Variants in ADGRB3 observed in about 807,000 individuals in gnomAD.
The protein encoded by ADGRB3 is brain-specific angiogenesis inhibitor 3.
ADGRB3 carries 37 observed loss-of-function variants against 193.4 expected under a neutral mutation model. The observed-to-expected ratio is 0.19, with a 90% confidence interval of 0.15 to 0.25. ADGRB3 has a LOEUF of 0.25. Ranked by LOEUF, ADGRB3 falls within the 10% of genes least tolerant of loss-of-function variation. The pLI is 1.00. For missense variants in ADGRB3, 1,637 were observed against 1,852.9 expected, an observed-to-expected ratio of 0.88 and a Z score of 2.14; for synonymous variants, 690 against 644.2, an observed-to-expected ratio of 1.07 and a Z score of -1.08.
At chr6:69,085,082 A>G (rs745930763) in intron 17 of ADGRB3, among the ~76,000 whole-genome samples, 7 of 152,214 alleles carry the variant, frequency 4.6e-5, no homozygotes, top group Non-Finnish European at 8.8e-5. Context: ...GAAAAAAAAT[A>G]CCCTCGGTGA....
chr6:68,942,711 A>G (rs1209855738), intron 5 of ADGRB3, among the ~76,000 whole-genome samples: 1 of 152,074 alleles, frequency 6.6e-6, no homozygotes, highest in Non-Finnish European at 1.5e-5. Flanking sequence ...TCCAGATTCA[A>G]GGGATTCTCC....
At chr6:69,060,516 T>A (rs541359858) in intron 15 of ADGRB3, among the ~76,000 whole-genome samples, 1 of 152,174 alleles carries the variant, frequency 6.6e-6, no homozygotes, top group South Asian at 2.1e-4. Context: ...CTGTGTTTGT[T>A]TTCCAGTAAT....
At chr6:68,766,122 G>T (rs1766504378) in intron 3 of ADGRB3, among the ~76,000 whole-genome samples, 1 of 151,748 alleles carries the variant, frequency 6.6e-6, no homozygotes, top group Admixed American at 6.6e-5. Flanking sequence ...AATTATTTTG[G>T]TTGGCCACCT....
chr6:69,382,939 A>C lies in ADGRB3; in HGVS notation c.4380+4A>C. The C allele has an allele frequency of 3.2e-6, 5 of 1,584,148 alleles. No individual in the cohort carries two copies. The highest frequency in any genetic ancestry group is 4.3e-6 in the Non-Finnish European group (5 of 1,156,922). ...TATACCAAATACAAGCAGTATGGTA[A>C]GTATGCTTTGCTTCAATGCCTGAGT... On this transcript the variant is annotated splice_donor_region_variant and intron_variant, in intron 31 of 31. Transcript: ENST00000370598.
At chr6:69,261,571 T>C (rs1270051512) in intron 20 of ADGRB3, among the ~76,000 whole-genome samples, 1 of 152,066 alleles carries the variant, frequency 6.6e-6, no homozygotes, top group Non-Finnish European at 1.5e-5. Context: ...ATACTTTTTT[T>C]CAAAAACATT....
intron 3 of ADGRB3, among the ~76,000 whole-genome samples, chr6:68,710,402 A>G (rs920668992): frequency 6.6e-6 from 1 of 151,774 alleles, no homozygotes; most frequent in African/African-American, 2.4e-5. Context: ...TCCTGCCTTT[A>G]TTACTAATTT....
chr6:68,977,806 C>G (rs1959407), intron 10 of ADGRB3, among the ~76,000 whole-genome samples: 1 of 145,382 alleles, frequency 6.9e-6, no homozygotes. Context: ...GTGTCCATGC[C>G]GCAGTTTACA....
intron 3 of ADGRB3, among the ~76,000 whole-genome samples, chr6:68,788,226 A>T (rs1767018727): frequency 6.6e-6 from 1 of 151,912 alleles, no homozygotes; most frequent in African/African-American, 2.4e-5. Flanking sequence ...TTGCTTTTCT[A>T]GTTCTTTTAA....
chr6:69,327,048 AAGAC>A (rs745952084), intron 21 of ADGRB3, among the ~76,000 whole-genome samples: 3 of 152,142 alleles, frequency 2.0e-5, no homozygotes, highest in Admixed American at 6.6e-5. Context: ...AGTAAGAAAG[AAGAC>A]AGACAGAGGA....
chr6:68,976,749 G>C (rs1353626978), intron 10 of ADGRB3, among the ~76,000 whole-genome samples: 2 of 152,050 alleles, frequency 1.3e-5, no homozygotes, highest in African/African-American at 2.4e-5. Flanking sequence ...GGCTGAGAAG[G>C]AGAAAGAGGA....
intron 3 of ADGRB3, among the ~76,000 whole-genome samples, chr6:68,820,767 C>G (rs191959091): frequency 1.0e-3 from 153 of 152,094 alleles, no homozygotes; most frequent in African/African-American, 3.4e-3. Flanking sequence ...TTACTTGCTA[C>G]TTGTCCGCTT....
At chr6:69,046,824 T>C (rs183187646) in intron 13 of ADGRB3, among the ~76,000 whole-genome samples, 2 of 152,334 alleles carry the variant, frequency 1.3e-5, no homozygotes, top group East Asian at 3.9e-4. Flanking sequence ...AAATTACAAA[T>C]TTTTAAATGA....
At chr6:69,325,348 G>A (rs1232407443) in intron 21 of ADGRB3, among the ~76,000 whole-genome samples, 2 of 151,650 alleles carry the variant, frequency 1.3e-5, no homozygotes, top group African/African-American at 4.8e-5. Context: ...AAATTTTCAA[G>A]GCCTAATGTG....
chr6:68,918,907 T>C (rs1435013815), intron 3 of ADGRB3, among the ~76,000 whole-genome samples: 1 of 152,192 alleles, frequency 6.6e-6, no homozygotes, highest in Non-Finnish European at 1.5e-5. Flanking sequence ...GCGTAGTATT[T>C]ATTTCTATCT....
rs1345422983 is a variant in ADGRB3, at chr6:69,061,063, C to T, written c.2334-1871C>T. On this transcript the variant is annotated intron_variant, in intron 15 of 31. Transcript: ENST00000370598. Reference sequence around the variant, plus strand: ...CTGTACCTTCAATTGACTCATTTATCATTTAATGAAAAAAAAAAAAGACTG... The same window carrying T: ...CTGTACCTTCAATTGACTCATTTATTATTTAATGAAAAAAAAAAAAGACTG... Among the ~76,000 whole-genome samples the T allele has an allele frequency of 4.7e-5, 7 of 148,338 alleles. No homozygotes were observed. The South Asian group carries it at 1.1e-3, about 23-fold the overall frequency.
chr6:69,050,368 G>T (rs747796321), intron 15 of ADGRB3, among the ~76,000 whole-genome samples: 3 of 152,158 alleles, frequency 2.0e-5, no homozygotes, highest in African/African-American at 7.2e-5. Flanking sequence ...TTCAACCATA[G>T]AGACAGCCAT....
rs1768284366 is a variant in ADGRB3, at chr6:68,846,762, A to G, written c.758-83797A>G. On this transcript the variant is annotated intron_variant, in intron 3 of 31. Coordinates refer to ENST00000370598, the MANE Select transcript of ADGRB3 (RefSeq NM_001704.3). The stretch of plus-strand genomic sequence containing the variant: ...TGCATGGGTGGGGCTTTCATGGAGA[A>G]CCTCTGCTAGGACAATGTGGAAGGG... 3.9e-5 allele frequency among the ~76,000 whole-genome samples: 6 copies of G among 152,132 alleles called. No individual in the cohort carries two copies. In the South Asian group the frequency reaches 1.2e-3, roughly 32 times the overall value.
chr6:68,810,605 G>T (rs1767492360), intron 3 of ADGRB3, among the ~76,000 whole-genome samples: 1 of 152,160 alleles, frequency 6.6e-6, no homozygotes, highest in Admixed American at 6.5e-5. Flanking sequence ...GTGGTTTGAG[G>T]TAGACGATTT....
chr6:68,787,365 C>A (rs995266329), intron 3 of ADGRB3, among the ~76,000 whole-genome samples: 2 of 151,964 alleles, frequency 1.3e-5, no homozygotes, highest in Admixed American at 6.6e-5. Flanking sequence ...TAGCATGAAG[C>A]GTTGTTGAAT....
Sources: gnomAD v4.1 joint callset for allele counts (sites outside exome capture counted in the v4.1 genomes callset) on GRCh38, gnomAD v4.1.1 for gene constraint, MANE v1.5 for transcripts, NCBI Gene and HGNC (gene_info 2026-07-23, HGNC 2026-07-21) for gene names.